Variants in SUMF1 observed in about 807,000 individuals in gnomAD.
SUMF1 encodes sulfatase modifying factor 1.
SUMF1 carries 48 observed loss-of-function variants against 47.6 expected under a neutral mutation model. That is an observed-to-expected ratio of 1.01 (90% CI 0.80 to 1.28). The LOEUF is 1.28. Among genes scored for constraint, SUMF1 ranks in the 50% most tolerant of loss-of-function variants. SUMF1 has a pLI of 0.00. For synonymous variants in SUMF1, 230 were observed against 192.1 expected, an observed-to-expected ratio of 1.20 and a Z score of -1.63; for missense variants, 571 against 485.4, an observed-to-expected ratio of 1.18 and a Z score of -1.66.
At position 4,300,717 on chromosome 3, in the gene SUMF1, G is replaced by C. The variant is rs145980518; in HGVS notation, c.1014+75613C>G. Among the ~76,000 whole-genome samples, 148 of 152,308 alleles carry C rather than the reference G, an allele frequency of 9.7e-4. 2 individuals are homozygous for C. In the East Asian group the frequency reaches 0.026, roughly 27 times the overall value. ...AAAAAATGTTTTGCCCTTGAAGTGG[G>C]TGTGAGTGAGAAAAGTATAAAAGAC... is the stretch of plus-strand genomic sequence containing the variant. On this transcript the variant is annotated intron_variant and NMD_transcript_variant, in intron 8 of 12. Coordinates refer to the SUMF1 transcript ENST00000448413.
chr3:4,407,652 G>A (rs1701417424), intron 7 of SUMF1, among the ~76,000 whole-genome samples: 1 of 152,192 alleles, frequency 6.6e-6, no homozygotes, highest in Non-Finnish European at 1.5e-5. Flanking sequence ...AATAAATTAA[G>A]ATCTCAAAGA....
intron 7 of SUMF1, among the ~76,000 whole-genome samples, chr3:4,387,737 T>C (rs1553567499): frequency 1.3e-5 from 2 of 152,060 alleles, no homozygotes; most frequent in Non-Finnish European, 2.9e-5. Context: ...CTCTTAGCAC[T>C]GTTTTCACTC....
intron 8 of SUMF1, among the ~76,000 whole-genome samples, chr3:4,078,061 T>C (rs1692478368): frequency 6.6e-6 from 1 of 152,112 alleles, no homozygotes; most frequent in South Asian, 2.1e-4. Context: ...CCAGCCCTGT[T>C]GGCAAGAGCG....
intron 3 of SUMF1, among the ~76,000 whole-genome samples, chr3:4,425,753 G>A (rs1702048527): frequency 6.6e-6 from 1 of 152,156 alleles, no homozygotes; most frequent in Admixed American, 6.5e-5. Context: ...TGCTAATAAA[G>A]ACATACCTGA....
intron 8 of SUMF1, among the ~76,000 whole-genome samples, chr3:4,370,067 A>G (rs1008182887): frequency 2.0e-5 from 3 of 152,234 alleles, no homozygotes; most frequent in African/African-American, 7.2e-5. Flanking sequence ...GATGGTTTCC[A>G]GGAGCAGTCA....
At chr3:4,464,099 A>G (rs1040115973) in intron 1 of SUMF1, among the ~76,000 whole-genome samples, 2 of 152,212 alleles carry the variant, frequency 1.3e-5, no homozygotes, top group Non-Finnish European at 2.9e-5. Flanking sequence ...TGTTACATTA[A>G]AAAGTGTGAA....
At chr3:4,254,040 G>A (rs1696881545) in intron 8 of SUMF1, among the ~76,000 whole-genome samples, 1 of 151,162 alleles carries the variant, frequency 6.6e-6, no homozygotes, top group Non-Finnish European at 1.5e-5. Context: ...CAACAGACCT[G>A]CAGCTGAGGG....
intron 3 of SUMF1, among the ~76,000 whole-genome samples, chr3:4,440,471 T>C (rs1702549535): frequency 6.6e-6 from 1 of 152,156 alleles, no homozygotes; most frequent in African/African-American, 2.4e-5. Context: ...CCCACACACA[T>C]TCAGGTAACT....
intron 8 of SUMF1, chr3:4,313,000 T>G: frequency 6.2e-7 from 1 of 1,614,012 alleles, no homozygotes; most frequent in Non-Finnish European, 8.5e-7. Context: ...CCCTGGCACT[T>G]GCTCCTGTCT....
intron 8 of SUMF1, among the ~76,000 whole-genome samples, chr3:4,120,537 C>A (rs1693516113): frequency 6.6e-6 from 1 of 152,094 alleles, no homozygotes; most frequent in Non-Finnish European, 1.5e-5. Flanking sequence ...GGAAAATAAT[C>A]ATGATACTGC....
At position 4,361,869 on chromosome 3, in the gene SUMF1, C is replaced by T. The variant is rs557004811; in HGVS notation, c.*275G>A. On this transcript the variant is annotated 3_prime_UTR_variant, in exon 9 of 9. Transcript: ENST00000272902. ...TGCGTAGGACGCGGGCCTCCTGAAG[C>T]CTAGCTCAGGGTTCCCTCCACTCCC... 27 of 434,060 alleles carry T rather than the reference C, an allele frequency of 6.2e-5. No individual in the cohort carries two copies. The Admixed American group carries it at 8.1e-4, about 13-fold the overall frequency. 26.9% of individuals were successfully genotyped at this position (434,060 alleles called of 1,614,324 possible). A position where few individuals can be genotyped will look rare whatever the true frequency, so the allele number is the denominator to read the frequency against.
chr3:4,151,871 A>G (rs575937802), intron 8 of SUMF1, among the ~76,000 whole-genome samples: 1 of 151,654 alleles, frequency 6.6e-6, no homozygotes, highest in African/African-American at 2.4e-5. Context: ...AACTCCAGGC[A>G]TAACTGACCT....
chr3:4,055,821 T>C (rs1012656909), intron 9 of SUMF1, among the ~76,000 whole-genome samples: 1 of 152,154 alleles, frequency 6.6e-6, no homozygotes, highest in Non-Finnish European at 1.5e-5. Flanking sequence ...TGAAATGGAG[T>C]TCACTGGGCT....
At chr3:4,127,649 T>A (rs1485660242) in intron 8 of SUMF1, among the ~76,000 whole-genome samples, 2 of 152,162 alleles carry the variant, frequency 1.3e-5, no homozygotes, top group African/African-American at 4.8e-5. Flanking sequence ...ACCTTGTGAT[T>A]GTGTGAGTTA....
rs371508920 is a variant in SUMF1, at chr3:4,087,120, G to A, written c.1015-18375C>T. On this transcript the variant is annotated intron_variant and NMD_transcript_variant, in intron 8 of 12. Transcript: ENST00000448413. ...GATCACTAAATAATGATTCTATGGC[G>A]CTGAGCAACTTTGGAGCGAATGGCT... 5.6e-4 allele frequency among the ~76,000 whole-genome samples: 85 copies of A among 152,186 alleles called. 3 individuals carry two copies. The highest frequency in any genetic ancestry group is 7.1e-4 in the Non-Finnish European group (48 of 68,000).
At chr3:4,295,628 C>T (rs182568) in intron 8 of SUMF1, among the ~76,000 whole-genome samples, 23,828 of 151,994 alleles carry the variant, frequency 0.16, 2,440 homozygotes, top group South Asian at 0.36. Flanking sequence ...TATTTGAATA[C>T]GCATGATAAT....
intron 7 of SUMF1, among the ~76,000 whole-genome samples, chr3:4,383,363 A>G (rs1700571776): frequency 6.6e-6 from 1 of 152,256 alleles, no homozygotes; most frequent in South Asian, 2.1e-4. Flanking sequence ...TGGGCGACAG[A>G]GCAAGATTCC....
intron 8 of SUMF1, among the ~76,000 whole-genome samples, chr3:4,230,078 T>C (rs1696265693): frequency 6.6e-6 from 1 of 152,058 alleles, no homozygotes; most frequent in South Asian, 2.1e-4. Context: ...GTTTTTTTTT[T>C]TTAGATAGAA....
At chr3:4,364,868 A>G (rs1285354152) in intron 8 of SUMF1, among the ~76,000 whole-genome samples, 2 of 151,084 alleles carry the variant, frequency 1.3e-5, no homozygotes, top group African/African-American at 4.9e-5. Flanking sequence ...ATTTAGTGCT[A>G]TAAATTTCCC....
Sources: allele counts gnomAD v4.1 joint callset (sites outside exome capture counted in the v4.1 genomes callset), GRCh38; gene constraint gnomAD v4.1.1; transcripts MANE v1.5; gene names NCBI Gene and HGNC (gene_info 2026-07-23, HGNC 2026-07-21).